The following DNM3 variants were observed in gnomAD, a reference collection of about 807,000 sequenced individuals.
DNM3 encodes dynamin 3.
A neutral mutation model predicts 101.6 loss-of-function variants in DNM3; 47 were observed. The observed-to-expected ratio is 0.46, with a 90% CI of 0.37 to 0.59. The LOEUF (loss-of-function observed/expected upper bound fraction) is 0.59, where lower values mean the gene tolerates loss of function less well. Ranked by LOEUF, DNM3 falls within the 20% of genes least tolerant of loss-of-function variation. DNM3 has a pLI of 0.00. For missense variants in DNM3, 849 were observed against 1,085.7 expected (o/e 0.78, Z 3.06); for synonymous variants, 385 against 387.9 (o/e 0.99, Z 0.09).
chr1:172,022,427 A>G (rs1055336699), intron 4 of DNM3, among the ~76,000 whole-genome samples: 4 of 152,152 alleles, frequency 2.6e-5, no homozygotes, highest in Non-Finnish European at 5.9e-5. Context: ...CTATTTGTGT[A>G]ACTTAATATA....
chr1:171,882,427 CTA>C (rs1477853889), intron 1 of DNM3, among the ~76,000 whole-genome samples: 4 of 98,202 alleles, frequency 4.1e-5, no homozygotes, highest in East Asian at 6.9e-4. Flanking sequence ...CTGTCTCTCT[CTA>C]TACACACACA....
chr1:172,405,053 G>A (rs934630510), intron 20 of DNM3, among the ~76,000 whole-genome samples: 2 of 151,996 alleles, frequency 1.3e-5, no homozygotes, highest in African/African-American at 4.8e-5. Flanking sequence ...TGTAAACATA[G>A]TATCTCAAAT....
At chr1:171,887,341 G>A (rs1173308383) in intron 1 of DNM3, among the ~76,000 whole-genome samples, 1 of 152,184 alleles carries the variant, frequency 6.6e-6, no homozygotes, top group Non-Finnish European at 1.5e-5. Context: ...CTGAACTAGG[G>A]ACTGTTACTT....
chr1:172,385,772 G>A (rs1019022355), intron 18 of DNM3, among the ~76,000 whole-genome samples: 3 of 152,066 alleles, frequency 2.0e-5, no homozygotes, highest in African/African-American at 4.8e-5. Context: ...ATATACTTGC[G>A]TTTGGCCTTT....
chr1:172,399,540 G>T (rs1171472237), intron 20 of DNM3, among the ~76,000 whole-genome samples: 2 of 152,058 alleles, frequency 1.3e-5, no homozygotes, highest in Non-Finnish European at 2.9e-5. Flanking sequence ...TCATTGCTTG[G>T]CTTCCTTGGC....
In DNM3 at chr1:172,038,581, A is replaced by G. The variant is rs1352931300; in HGVS notation, c.992+120A>G. 6.4e-6 allele frequency: 8 copies of G among 1,256,086 alleles called. No individual in the cohort carries two copies. In the East Asian group the frequency reaches 9.4e-5, roughly 15 times the overall value. The allele number at this position is 1,256,086 out of a possible 1,614,324, so 77.8% of individuals were successfully genotyped here. ...GCAAGTAAACTATATGAGGCTATCT[A>G]TATGATACAAGATAACTCTTGAATT... On this transcript the variant is annotated intron_variant, in intron 7 of 20. Coordinates refer to ENST00000627582, the MANE Select transcript of DNM3 (RefSeq NM_015569.5).
At chr1:171,907,971 A>G (rs969098578) in intron 1 of DNM3, among the ~76,000 whole-genome samples, 2 of 152,234 alleles carry the variant, frequency 1.3e-5, no homozygotes, top group East Asian at 1.9e-4. Context: ...ATGTTTTCTA[A>G]TCGTTGACTG....
chr1:171,916,656 C>T (rs892496645), intron 1 of DNM3, among the ~76,000 whole-genome samples: 2 of 152,156 alleles, frequency 1.3e-5, no homozygotes, highest in African/African-American at 4.8e-5. Flanking sequence ...GACTCATCAC[C>T]CTGTCTTTGA....
intron 15 of DNM3, among the ~76,000 whole-genome samples, chr1:172,258,143 C>T (rs2062493123): frequency 6.6e-6 from 1 of 151,954 alleles, no homozygotes; most frequent in Non-Finnish European, 1.5e-5. Flanking sequence ...AGATAGTATT[C>T]CACTGTGTAA....
intron 11 of DNM3, among the ~76,000 whole-genome samples, chr1:172,079,659 C>T (rs1171339762): frequency 2.0e-5 from 3 of 152,096 alleles, no homozygotes; most frequent in Non-Finnish European, 4.4e-5. Context: ...ATTTTGTTTT[C>T]TTGCTGGCAA....
At chr1:171,933,696 T>C (rs2041202076) in intron 2 of DNM3, among the ~76,000 whole-genome samples, 2 of 151,798 alleles carry the variant, frequency 1.3e-5, no homozygotes. Flanking sequence ...TTGGGGAGGG[T>C]CTTGTGAGCC....
intron 17 of DNM3, among the ~76,000 whole-genome samples, chr1:172,333,199 CATTT>C (rs2066264268): frequency 6.6e-6 from 1 of 152,096 alleles, no homozygotes; most frequent in Non-Finnish European, 1.5e-5. Context: ...TTTAGACATT[CATTT>C]GTTAATGCGT....
chr1:171,875,744 A>G (rs1409273550), intron 1 of DNM3, among the ~76,000 whole-genome samples: 1 of 151,740 alleles, frequency 6.6e-6, no homozygotes, highest in East Asian at 1.9e-4. Flanking sequence ...TTTGTAAAGC[A>G]CTTAGTACAG....
chr1:172,353,555 T>G (rs779438875), intron 17 of DNM3, among the ~76,000 whole-genome samples: 3 of 152,140 alleles, frequency 2.0e-5, no homozygotes, highest in Non-Finnish European at 2.9e-5. Context: ...TTCTTCTATT[T>G]CAACAGAACT....
chr1:172,002,221 A>C lies in DNM3; in HGVS notation c.589+13073A>C, dbSNP rs183091345. Among the ~76,000 whole-genome samples, 6 of 152,196 alleles carry C rather than the reference A, an allele frequency of 3.9e-5. No individual in the cohort carries two copies. The East Asian group carries it at 1.2e-3, about 29-fold the overall frequency. ...CCCAAATGCTACTTGATATTTATTG[A>C]ATCAGTTAATATGTATGAAAAAATC... On this transcript the variant is annotated intron_variant, in intron 4 of 20. Transcript: ENST00000627582.
chr1:172,390,628 A>G (rs1294476795), intron 20 of DNM3, among the ~76,000 whole-genome samples: 1 of 152,214 alleles, frequency 6.6e-6, no homozygotes, highest in South Asian at 2.1e-4. Context: ...GAACCACTGC[A>G]CTGTAGTATT....
intron 14 of DNM3, among the ~76,000 whole-genome samples, chr1:172,234,036 G>A (rs921654179): frequency 1.3e-5 from 2 of 151,916 alleles, no homozygotes; most frequent in African/African-American, 4.8e-5. Flanking sequence ...GGAAGTTCTG[G>A]CCAGGGCAAT....
chr1:171,967,117 A>G (rs952474136), intron 2 of DNM3, among the ~76,000 whole-genome samples: 6 of 152,174 alleles, frequency 3.9e-5, no homozygotes, highest in Non-Finnish European at 8.8e-5. Flanking sequence ...TTAGTTGACA[A>G]AAGGGAATCT....
chr1:172,240,689 T>C (rs2061716256), intron 14 of DNM3, among the ~76,000 whole-genome samples: 2 of 152,208 alleles, frequency 1.3e-5, no homozygotes. Flanking sequence ...GTCTTAAATT[T>C]ACTTTGTAAT....
Sources: gnomAD v4.1 joint callset for allele counts (sites outside exome capture counted in the v4.1 genomes callset) on GRCh38, gnomAD v4.1.1 for gene constraint, MANE v1.5 for transcripts, NCBI Gene and HGNC (gene_info 2026-07-23, HGNC 2026-07-21) for gene names.